Variants in PDE1C observed in about 807,000 individuals in gnomAD.
PDE1C encodes dual specificity calcium/calmodulin-dependent 3',5'-cyclic nucleotide phosphodiesterase 1C.
Under a neutral mutation model 93.1 loss-of-function variants are expected in PDE1C, and 62 were observed. The observed-to-expected ratio is 0.67, with a 90% CI of 0.54 to 0.82. The LOEUF (loss-of-function observed/expected upper bound fraction) is 0.82, where lower values mean the gene tolerates loss of function less well. Ranked by LOEUF, PDE1C falls within the 40% of genes least tolerant of loss-of-function variation. The probability of loss-of-function intolerance (pLI) is 0.00; values close to 1 mark genes in which losing one functional copy is unlikely to be tolerated. For missense variants in PDE1C, 742 were observed against 884.6 expected (o/e 0.84, Z 2.04); for synonymous variants, 325 against 310.1 (o/e 1.05, Z -0.50).
intron 1 of PDE1C, among the ~76,000 whole-genome samples, chr7:32,345,899 A>G (rs215680): frequency 0.8 from 121,784 of 152,196 alleles, 49,093 homozygotes; most frequent in Admixed American, 0.85. Flanking sequence ...GTGGAAATGC[A>G]AAATGGTATA....
intron 1 of PDE1C, among the ~76,000 whole-genome samples, chr7:32,295,843 G>A (rs1480192637): frequency 2.7e-5 from 4 of 148,832 alleles, no homozygotes; most frequent in Non-Finnish European, 1.5e-5. Context: ...GCAGTGAGCT[G>A]AGATCGGGTC....
intron 1 of PDE1C, among the ~76,000 whole-genome samples, chr7:32,405,404 A>G (rs1486676549): frequency 6.6e-6 from 1 of 151,864 alleles, no homozygotes; most frequent in African/African-American, 2.4e-5. Flanking sequence ...GGCATGCACC[A>G]CCACGCCTGG....
At chr7:32,092,478 C>A (rs899902189) in intron 3 of PDE1C, among the ~76,000 whole-genome samples, 4 of 152,156 alleles carry the variant, frequency 2.6e-5, no homozygotes, top group Admixed American at 6.5e-5. Context: ...GAGGCCAGGG[C>A]TCCTCTCTCC....
chr7:32,075,565 T>G (rs138472413), upstream of PDE1C, among the ~76,000 whole-genome samples: 2,230 of 152,252 alleles, frequency 0.015, 28 homozygotes, highest in Non-Finnish European at 0.022. Context: ...GGGCAGACTC[T>G]GTCTCAGGAA....
chr7:31,651,145 A>C, the PDE1C span: 1 of 1,612,888 alleles, frequency 6.2e-7, no homozygotes, highest in East Asian at 2.2e-5. Context: ...TTCTCAGTGC[A>C]CAGTCCATGA....
At chr7:32,299,893 C>A (rs548368309), upstream of PDE1C, among the ~76,000 whole-genome samples, 1 of 152,288 alleles carries the variant, frequency 6.6e-6, no homozygotes, top group Non-Finnish European at 1.5e-5. Context: ...CACGGTATAA[C>A]AATGTGGAAT....
At chr7:31,772,950 G>A (rs1162764433) in intron 17 of PDE1C, among the ~76,000 whole-genome samples, 2 of 152,260 alleles carry the variant, frequency 1.3e-5, no homozygotes, top group African/African-American at 4.8e-5. Flanking sequence ...ACACAAGCCA[G>A]AGGGAGGCAT....
chr7:31,971,320 T>G (rs1034334166), intron 2 of PDE1C, among the ~76,000 whole-genome samples: 3 of 152,058 alleles, frequency 2.0e-5, no homozygotes, highest in Non-Finnish European at 4.4e-5. Context: ...AAACTGAGGC[T>G]TAGGGGTATA....
At chr7:31,689,793 A>G in the PDE1C span, among the ~76,000 whole-genome samples, 6 of 152,312 alleles carry the variant, frequency 3.9e-5, no homozygotes, top group African/African-American at 7.2e-5. Context: ...ATCATTCATG[A>G]TAAAAGTATC....
intron 14 of PDE1C, among the ~76,000 whole-genome samples, chr7:31,817,976 C>T (rs1211841084): frequency 6.6e-6 from 1 of 152,104 alleles, no homozygotes; most frequent in Admixed American, 6.6e-5. Flanking sequence ...TCCATCCATC[C>T]ATCCAAACCA....
chr7:31,690,126 C>A, the PDE1C span, among the ~76,000 whole-genome samples: 8 of 152,336 alleles, frequency 5.3e-5, no homozygotes, highest in South Asian at 1.0e-3. Context: ...GCCATAGCTG[C>A]TTTGCTCAGA....
intron 11 of PDE1C, among the ~76,000 whole-genome samples, chr7:31,830,831 G>A (rs747884718): frequency 2.6e-5 from 4 of 152,136 alleles, no homozygotes; most frequent in Admixed American, 6.6e-5. Context: ...TTGGAAGCAA[G>A]GTAGATGGCA....
chr7:31,921,523 A>G (rs1802621118), intron 2 of PDE1C, among the ~76,000 whole-genome samples: 1 of 152,196 alleles, frequency 6.6e-6, no homozygotes, highest in Admixed American at 6.5e-5. Flanking sequence ...CCTGGAAACC[A>G]AGTCAAGAAC....
the PDE1C span, among the ~76,000 whole-genome samples, chr7:31,648,449 G>A: frequency 6.6e-6 from 1 of 151,788 alleles, no homozygotes; most frequent in African/African-American, 2.4e-5. Context: ...CTTATTCTAG[G>A]GCTAAAATGT....
intron 6 of PDE1C, among the ~76,000 whole-genome samples, chr7:31,871,111 A>G (rs1296689736): frequency 6.6e-6 from 1 of 151,886 alleles, no homozygotes; most frequent in Non-Finnish European, 1.5e-5. Flanking sequence ...TGACAAAGGC[A>G]CCAAAAACTT....
At chr7:32,113,539 T>C (rs1281390763) in intron 3 of PDE1C, among the ~76,000 whole-genome samples, 2 of 151,670 alleles carry the variant, frequency 1.3e-5, no homozygotes, top group African/African-American at 4.8e-5. Flanking sequence ...AAATATTACC[T>C]TTTAACATCA....
At chr7:31,729,863 G>A in the PDE1C span, among the ~76,000 whole-genome samples, 1 of 152,174 alleles carries the variant, frequency 6.6e-6, no homozygotes, top group African/African-American at 2.4e-5. Context: ...GCCTTCTGTA[G>A]ACAAAGCATG....
chr7:32,071,129 C>G (rs1796018125), upstream of PDE1C: 1 of 985,464 alleles, frequency 1.0e-6, no homozygotes, highest in Non-Finnish European at 1.2e-6. Flanking sequence ...CCGACCCCGG[C>G]CGGGCACACT....
At chr7:32,134,073 A>T (rs1257416314) in intron 3 of PDE1C, among the ~76,000 whole-genome samples, 2 of 152,098 alleles carry the variant, frequency 1.3e-5, no homozygotes, top group Non-Finnish European at 2.9e-5. Context: ...GGTGAATTTG[A>T]AAATAGATAT....
Sources: allele counts gnomAD v4.1 joint callset (sites outside exome capture counted in the v4.1 genomes callset), GRCh38; gene constraint gnomAD v4.1.1; transcripts MANE v1.5; gene names NCBI Gene and HGNC (gene_info 2026-07-23, HGNC 2026-07-21).